GRM1: variants seen among roughly 807,000 people sequenced by gnomAD.
The protein encoded by GRM1 is metabotropic glutamate receptor 1.
Under a neutral mutation model 90.9 loss-of-function variants are expected in GRM1, and 33 were observed. The ratio of observed to expected loss-of-function variants is 0.36; its 90% confidence interval spans 0.28 to 0.49. The LOEUF is 0.49. Among genes scored for constraint, GRM1 ranks in the 20% least tolerant of loss-of-function variants. The pLI, the probability that GRM1 is intolerant of heterozygous loss-of-function variation, is 0.99. For synonymous variants in GRM1, 700 were observed against 613.2 expected (o/e 1.14, Z -2.09); for missense variants, 1,190 against 1,534.3 (o/e 0.78, Z 3.75).
chr6:146,190,900 C>T (rs1467398473), intron 2 of GRM1, among the ~76,000 whole-genome samples: 1 of 152,098 alleles, frequency 6.6e-6, no homozygotes, highest in Admixed American at 6.6e-5. Context: ...CTCTGATTTA[C>T]GTATTATAGG....
At chr6:146,263,085 C>A (rs1437825719) in intron 2 of GRM1, among the ~76,000 whole-genome samples, 1 of 151,882 alleles carries the variant, frequency 6.6e-6, no homozygotes, top group Non-Finnish European at 1.5e-5. Context: ...ATATTTATTT[C>A]TTTTGACTCA....
chr6:146,159,624 C>G (rs748917008), intron 2 of GRM1, 27 bp downstream of exon 2: 25 of 1,513,794 alleles, frequency 1.7e-5, no homozygotes, highest in Non-Finnish European at 2.1e-5. Context: ...CTCTCTCTCT[C>G]TCTCTCTCTC....
intron 3 of GRM1, among the ~76,000 whole-genome samples, chr6:146,339,297 C>T (rs527971396): frequency 6.6e-6 from 1 of 152,298 alleles, no homozygotes; most frequent in Admixed American, 6.5e-5. Flanking sequence ...CAATTCACAA[C>T]CTTAACATGG....
chr6:146,246,022 T>C (rs1781048693), intron 2 of GRM1, among the ~76,000 whole-genome samples: 1 of 152,176 alleles, frequency 6.6e-6, no homozygotes, highest in African/African-American at 2.4e-5. Context: ...ATTCTAAATA[T>C]AGATAAATTA....
At chr6:146,262,645 A>G (rs535898287) in intron 2 of GRM1, among the ~76,000 whole-genome samples, 2 of 152,094 alleles carry the variant, frequency 1.3e-5, no homozygotes, top group South Asian at 4.1e-4. Flanking sequence ...ATGTGTATGT[A>G]TATGCATACC....
chr6:146,228,806 A>G (rs1780343239), intron 2 of GRM1, among the ~76,000 whole-genome samples: 1 of 152,160 alleles, frequency 6.6e-6, no homozygotes, highest in Admixed American at 6.6e-5. Context: ...CTCCAATTTT[A>G]TCTTTTTATC....
intron 2 of GRM1, among the ~76,000 whole-genome samples, chr6:146,287,329 G>A (rs1489013701): frequency 1.3e-5 from 2 of 152,014 alleles, no homozygotes; most frequent in East Asian, 3.9e-4. Context: ...TCCTTCTCTG[G>A]GACCTTTTAC....
chr6:146,383,765 T>G (rs1200340650), intron 5 of GRM1, among the ~76,000 whole-genome samples: 1 of 152,136 alleles, frequency 6.6e-6, no homozygotes, highest in Non-Finnish European at 1.5e-5. Context: ...TGGCAATAAT[T>G]AGAATTTAGT....
At chr6:146,289,602 C>T (rs1782904774) in intron 2 of GRM1, among the ~76,000 whole-genome samples, 1 of 152,198 alleles carries the variant, frequency 6.6e-6, no homozygotes. Context: ...TAGGCCTTCA[C>T]ATTCACTCAC....
chr6:146,086,079 A>T (rs1340780329), intron 1 of GRM1, among the ~76,000 whole-genome samples: 1 of 152,146 alleles, frequency 6.6e-6, no homozygotes, highest in East Asian at 1.9e-4. Flanking sequence ...GTGATTTGAT[A>T]GTGGAATAGT....
At chr6:146,231,858 AT>A (rs140134725) in intron 2 of GRM1, among the ~76,000 whole-genome samples, 16,290 of 152,002 alleles carry the variant, frequency 0.11, 1,668 homozygotes, top group African/African-American at 0.27. Context: ...CATGAGGGAA[AT>A]AGGTCTGAAA....
intron 2 of GRM1, among the ~76,000 whole-genome samples, chr6:146,281,329 T>A (rs1006388778): frequency 1.3e-5 from 2 of 152,230 alleles, no homozygotes; most frequent in African/African-American, 2.4e-5. Flanking sequence ...TTTGGTACAT[T>A]ACTTAGCACA....
intron 3 of GRM1, among the ~76,000 whole-genome samples, chr6:146,320,701 G>A (rs1248804610): frequency 6.6e-6 from 1 of 152,114 alleles, no homozygotes; most frequent in Non-Finnish European, 1.5e-5. Flanking sequence ...TCTTGGGAGA[G>A]TGTATGTGTC....
At chr6:146,422,357 A>G (rs184992334) in intron 7 of GRM1, among the ~76,000 whole-genome samples, 39 of 152,306 alleles carry the variant, frequency 2.6e-4, no homozygotes, top group Admixed American at 1.7e-3. Context: ...TCAACAAGTA[A>G]AGTGAAGGGA....
At chr6:146,098,188 A>T (rs1776936237) in intron 1 of GRM1, among the ~76,000 whole-genome samples, 2 of 152,200 alleles carry the variant, frequency 1.3e-5, no homozygotes, top group Non-Finnish European at 2.9e-5. Flanking sequence ...GAGACAATGA[A>T]ATATCTAAGA....
intron 2 of GRM1, among the ~76,000 whole-genome samples, chr6:146,190,702 T>C (rs1778907176): frequency 6.6e-6 from 1 of 152,194 alleles, no homozygotes; most frequent in Admixed American, 6.5e-5. Context: ...CAATGGTTTT[T>C]TGGCTCTGTC....
chr6:146,397,484 GAAAAAAA>G (rs577471775), intron 6 of GRM1, among the ~76,000 whole-genome samples: 2 of 45,032 alleles, frequency 4.4e-5, no homozygotes, highest in Non-Finnish European at 9.4e-5. Flanking sequence ...AAAAAAAAAA[GAAAAAAA>G]AAAAAAAAAA....
chr6:146,129,891 T>C (rs1776330755), intron 1 of GRM1, among the ~76,000 whole-genome samples: 2 of 152,124 alleles, frequency 1.3e-5, no homozygotes, highest in Admixed American at 6.6e-5. Context: ...GCTAGAGTCA[T>C]AGATGTTCAG....
chr6:146,109,709 A>G (rs771217085), intron 1 of GRM1, among the ~76,000 whole-genome samples: 1 of 152,194 alleles, frequency 6.6e-6, no homozygotes, highest in Non-Finnish European at 1.5e-5. Context: ...TGGAAAATCC[A>G]TAGATACTCA....
Sources: gnomAD v4.1 joint callset for allele counts (sites outside exome capture counted in the v4.1 genomes callset) on GRCh38, gnomAD v4.1.1 for gene constraint, MANE v1.5 for transcripts, NCBI Gene and HGNC (gene_info 2026-07-23, HGNC 2026-07-21) for gene names.